Variants in NEU3 observed in about 807,000 individuals in gnomAD.
NEU3 encodes neuraminidase 3, also known as sialidase-3.
NEU3 carries 10 observed loss-of-function variants against 11.4 expected under a neutral mutation model. The ratio of observed to expected loss-of-function variants is 0.88; its 90% CI spans 0.54 to 1.49. The LOEUF (loss-of-function observed/expected upper bound fraction) is 1.49, where lower values mean the gene tolerates loss of function less well. Ranked by LOEUF, NEU3 falls within the 40% of genes most tolerant of loss-of-function variation. The pLI, the probability that NEU3 is intolerant of heterozygous loss-of-function variation, is 0.00. For missense variants in NEU3, 529 were observed against 581.8 expected (o/e 0.91, Z 0.93); for synonymous variants, 212 against 228.2 (o/e 0.93, Z 0.64).
chr11:75,005,281 A>T, intron 2 of NEU3, 132 bp from the exon 3 acceptor site: 1 of 893,618 alleles, frequency 1.1e-6, no homozygotes, highest in Non-Finnish European at 1.7e-6. Flanking sequence ...TTTAGTGAGT[A>T]GTTAGGCCTT....
At chr11:74,999,183 G>A (rs543696485) in intron 2 of NEU3, among the ~76,000 whole-genome samples, 1 of 152,070 alleles carries the variant, frequency 6.6e-6, no homozygotes, top group Non-Finnish European at 1.5e-5. Flanking sequence ...TTGCCCAGGC[G>A]GGAGTGCAGT....
At chr11:74,997,972 C>A (rs547963548) in intron 2 of NEU3, among the ~76,000 whole-genome samples, 41 of 152,304 alleles carry the variant, frequency 2.7e-4, no homozygotes, top group Admixed American at 1.4e-3. Flanking sequence ...TAAGTTTAAT[C>A]ATTTCTAGCT....
At chr11:74,983,237 A>G in the NEU3 span, among the ~76,000 whole-genome samples, 1 of 152,308 alleles carries the variant, frequency 6.6e-6, no homozygotes, top group East Asian at 1.9e-4. Context: ...TTATGGCTTT[A>G]GCATCAAAGT....
chr11:75,014,040 C>T (rs1011555016), downstream of NEU3, among the ~76,000 whole-genome samples: 5 of 152,066 alleles, frequency 3.3e-5, no homozygotes, highest in South Asian at 6.2e-4. Flanking sequence ...GCACTAGAGT[C>T]ACCTCTCAAA....
In NEU3 at chr11:75,006,281, G is replaced by A. The variant is rs749465509; in HGVS notation, c.1175G>A (p.Arg392His). ...QTPLEAACWS[R>H]PWILHCGPCG... The stretch of plus-strand genomic sequence containing the variant: ...CCCTTGGAGGCTGCCTGCTGGTCCC[G>A]CCCCTGGATCTTGCACTGTGGGCCC... Residue 392 changes from arginine to histidine, a missense_variant, in exon 3 of 3, where the codon CGC becomes CAC. Transcript: ENST00000294064. 41 of 1,613,846 alleles carry A rather than the reference G, an allele frequency of 2.5e-5. 1 individual carries two copies. In the African/African-American group the frequency reaches 2.7e-4, roughly 11 times the overall value.
In NEU3 at chr11:75,006,499, T is replaced by C; in HGVS notation, c.*7T>C. The C allele has an allele frequency of 6.3e-7, 1 of 1,596,188 alleles. No homozygotes were observed. Among genetic ancestry groups the C allele is most frequent in the Non-Finnish European group, 8.5e-7 (1 of 1,170,422 alleles). On this transcript the variant is annotated 3_prime_UTR_variant, in exon 3 of 3. Transcript: ENST00000294064. The stretch of plus-strand genomic sequence containing the variant: ...CCAATTCAAAAGCAATTAATTGGCT[T>C]AGGACCCAATTTCCATAGATGCAAA...
At chr11:74,984,398 G>A (rs183650054), upstream of NEU3, among the ~76,000 whole-genome samples, 64 of 152,266 alleles carry the variant, frequency 4.2e-4, no homozygotes, top group Admixed American at 8.5e-4. Flanking sequence ...GGCTCTCTGC[G>A]TCATCATATG....
intron 1 of NEU3, among the ~76,000 whole-genome samples, chr11:74,989,412 A>C (rs76437552): frequency 0.024 from 3,583 of 152,274 alleles, 114 homozygotes; most frequent in African/African-American, 0.082. Flanking sequence ...CTGCTTACCA[A>C]AGGTCTCTGG....
downstream of NEU3, among the ~76,000 whole-genome samples, chr11:75,012,576 T>A (rs1265938010): frequency 6.6e-6 from 1 of 152,172 alleles, no homozygotes; most frequent in Non-Finnish European, 1.5e-5. Context: ...CTTTTGGCGA[T>A]TTGTCGCATT....
downstream of NEU3, among the ~76,000 whole-genome samples, chr11:75,014,383 T>C (rs1049056823): frequency 5.9e-5 from 9 of 152,076 alleles, no homozygotes; most frequent in African/African-American, 2.2e-4. Flanking sequence ...GTCTCTGCCT[T>C]TCCCCACTAT....
At chr11:74,982,530 T>C in the NEU3 span, among the ~76,000 whole-genome samples, 1 of 152,030 alleles carries the variant, frequency 6.6e-6, no homozygotes, top group African/African-American at 2.4e-5. Context: ...ATCAACCTAC[T>C]CTAGAACTTC....
chr11:74,994,859 A>G, intron 2 of NEU3, 139 bp downstream of exon 2: 1 of 784,254 alleles, frequency 1.3e-6, no homozygotes, highest in Non-Finnish European at 2.2e-6. Context: ...AGCAAAAACA[A>G]TGGCTCTCAC....
chr11:74,982,170 T>C, the NEU3 span, among the ~76,000 whole-genome samples: 4 of 152,196 alleles, frequency 2.6e-5, no homozygotes, highest in African/African-American at 9.6e-5. Context: ...TCCAAGTAGG[T>C]AGCCACTTGA....
chr11:74,986,279 G>A (rs1948664938), upstream of NEU3, among the ~76,000 whole-genome samples: 1 of 152,162 alleles, frequency 6.6e-6, no homozygotes, highest in South Asian at 2.1e-4. Context: ...GCTGCTATGA[G>A]CATTCTTGTA....
downstream of NEU3, among the ~76,000 whole-genome samples, chr11:75,013,967 G>A (rs1948970773): frequency 2.0e-5 from 3 of 152,162 alleles, no homozygotes; most frequent in South Asian, 6.2e-4. Flanking sequence ...TTGGAACATG[G>A]TGGACATTCA....
At chr11:74,998,514 GT>G (rs1948814362) in intron 2 of NEU3, among the ~76,000 whole-genome samples, 1 of 152,120 alleles carries the variant, frequency 6.6e-6, no homozygotes, top group South Asian at 2.1e-4. Context: ...AAAATATATA[GT>G]TGTGTCATCT....
Position 75,006,436 on chromosome 11 carries a change from C to G in NEU3, c.1330C>G (p.Leu444Val). The G allele has an allele frequency of 6.2e-7, 1 of 1,613,902 alleles. No homozygotes were observed. Among genetic ancestry groups the G allele is most frequent in the South Asian group, 1.1e-5 (1 of 91,080 alleles). ...TACACACCGGGAGATCCTGAGTCAC[C>G]TGCAGGGGGACTGCACCAGCCCTGG... ...LFTHREILSH[L>V]QGDCTSPGRN... Residue 444 changes from leucine (L) to valine (V), a missense_variant, in exon 3 of 3, where the codon CTG becomes GTG. By Grantham distance (32) the Leu-to-Val change is conservative. Transcript: ENST00000294064.
At chr11:74,980,674 ATG>A in the NEU3 span, among the ~76,000 whole-genome samples, 1 of 152,240 alleles carries the variant, frequency 6.6e-6, no homozygotes, top group African/African-American at 2.4e-5. Flanking sequence ...TCTCAGAATA[ATG>A]TTTTAAATAC....
chr11:75,011,885 G>A (rs556875562), downstream of NEU3, among the ~76,000 whole-genome samples: 1 of 152,080 alleles, frequency 6.6e-6, no homozygotes, highest in African/African-American at 2.4e-5. Flanking sequence ...ATTGCCTCAA[G>A]AAGCCTTGAT....
Sources: gnomAD v4.1 joint callset for allele counts (sites outside exome capture counted in the v4.1 genomes callset) on GRCh38, gnomAD v4.1.1 for gene constraint, MANE v1.5 for transcripts, NCBI Gene and HGNC (gene_info 2026-07-23, HGNC 2026-07-21) for gene names.